FAM124B: variants seen among roughly 807,000 people sequenced by gnomAD.
FAM124B encodes the protein family with sequence similarity 124 member B.
Under a neutral mutation model 19.7 loss-of-function variants are expected in FAM124B, and 18 were observed. That is an observed-to-expected ratio of 0.92 (90% CI 0.63 to 1.36). The LOEUF is 1.36. Among genes scored for constraint, FAM124B ranks in the 40% most tolerant of loss-of-function variants. FAM124B has a pLI of 0.00. For synonymous variants in FAM124B, 223 were observed against 225.2 expected, an observed-to-expected ratio of 0.99 and a Z score of 0.09; for missense variants, 540 against 553.3, an observed-to-expected ratio of 0.98 and a Z score of 0.24.
At chr2:224,390,114 TACACACACACACAC>T (rs59825011) in intron 1 of FAM124B, among the ~76,000 whole-genome samples, 49 of 131,796 alleles carry the variant, frequency 3.7e-4, no homozygotes, top group South Asian at 1.3e-3. Flanking sequence ...GTCTTTGAAA[TACACACACACACAC>T]ACACACACAC....
chr2:224,399,312 T>C (rs1016491530), intron 1 of FAM124B, among the ~76,000 whole-genome samples: 1 of 152,194 alleles, frequency 6.6e-6, no homozygotes, highest in Non-Finnish European at 1.5e-5. Flanking sequence ...TTTAGATGCC[T>C]TGGAAATTAT....
At chr2:224,382,188 T>G (rs1238152782) in intron 1 of FAM124B, among the ~76,000 whole-genome samples, 1 of 152,204 alleles carries the variant, frequency 6.6e-6, no homozygotes, top group Non-Finnish European at 1.5e-5. Flanking sequence ...GGCCATATGG[T>G]CTTTATCCCA....
Position 224,379,939 on chromosome 2 carries a change from C to T in FAM124B, c.1002G>A (p.Leu334=). Residue 334 remains leucine (L), a synonymous_variant, in exon 2 of 2, where the codon CTG becomes CTA. Coordinates refer to ENST00000409685, the MANE Select transcript of FAM124B (RefSeq NM_001122779.2). ...SSPAMGAHLH[L]SSHHLESGAR... Reference sequence around the variant, plus strand: ...CCCCGGATTCAAGGTGATGAGAAGACAGGTGCAGGTGGGCACCCATAGCTG... The same window carrying T: ...CCCCGGATTCAAGGTGATGAGAAGATAGGTGCAGGTGGGCACCCATAGCTG... The T allele has an allele frequency of 2.6e-6, 4 of 1,551,804 alleles. No homozygotes were observed. The South Asian group carries it at 3.6e-5, about 14-fold the overall frequency.
chr2:224,395,250 CA>C (rs1283913949), intron 1 of FAM124B, among the ~76,000 whole-genome samples: 1 of 151,470 alleles, frequency 6.6e-6, no homozygotes, highest in Non-Finnish European at 1.5e-5. Flanking sequence ...AGCCATAATG[CA>C]AAAAATTGAA....
intron 1 of FAM124B, among the ~76,000 whole-genome samples, chr2:224,390,114 TACACACACACACACACAC>T (rs59825011): frequency 1.4e-4 from 18 of 131,702 alleles, no homozygotes; most frequent in South Asian, 2.6e-4. Context: ...GTCTTTGAAA[TACACACACACACACACAC>T]ACACACACAC....
At chr2:224,396,489 C>G (rs938883200) in intron 1 of FAM124B, among the ~76,000 whole-genome samples, 4 of 152,178 alleles carry the variant, frequency 2.6e-5, no homozygotes, top group African/African-American at 7.2e-5. Flanking sequence ...GAGGGATGGT[C>G]TGCAGAGAGG....
chr2:224,386,531 A>G (rs1455373175), intron 1 of FAM124B, among the ~76,000 whole-genome samples: 1 of 152,194 alleles, frequency 6.6e-6, no homozygotes, highest in Non-Finnish European at 1.5e-5. Flanking sequence ...AGATTAAATG[A>G]TAGTCGTGCC....
At chr2:224,388,933 C>CT (rs957176559) in intron 1 of FAM124B, among the ~76,000 whole-genome samples, 9 of 151,868 alleles carry the variant, frequency 5.9e-5, no homozygotes, top group East Asian at 3.9e-4. Flanking sequence ...AAGGGAGATT[C>CT]TTTTTTTTAT....
At chr2:224,389,492 C>T (rs540425275) in intron 1 of FAM124B, among the ~76,000 whole-genome samples, 175 of 152,244 alleles carry the variant, frequency 1.1e-3, no homozygotes, top group Non-Finnish European at 1.7e-3. Context: ...GCAGAAATGA[C>T]TCCCAAGGAA....
intron 1 of FAM124B, among the ~76,000 whole-genome samples, chr2:224,387,816 A>G (rs1252075207): frequency 6.6e-6 from 1 of 152,182 alleles, no homozygotes; most frequent in African/African-American, 2.4e-5. Flanking sequence ...CAGAAAGGAG[A>G]ACATGGAGCC....
At chr2:224,391,918 G>A (rs114754444) in intron 1 of FAM124B, among the ~76,000 whole-genome samples, 166 of 152,244 alleles carry the variant, frequency 1.1e-3, no homozygotes, top group African/African-American at 3.9e-3. Context: ...GGTAGATTAC[G>A]AAAAGCTATA....
chr2:224,398,968 C>G (rs1574577789), intron 1 of FAM124B, among the ~76,000 whole-genome samples: 1 of 152,212 alleles, frequency 6.6e-6, no homozygotes, highest in South Asian at 2.1e-4. Context: ...CAGAGAGAGA[C>G]TCTGTCTCAA....
intron 1 of FAM124B, among the ~76,000 whole-genome samples, chr2:224,388,377 G>C (rs935750563): frequency 6.6e-6 from 1 of 152,200 alleles, no homozygotes; most frequent in Non-Finnish European, 1.5e-5. Context: ...ACATACCGTG[G>C]AATAGTAATC....
rs1454281627 is a variant in FAM124B, at chr2:224,379,941, G to C, written c.1000C>G (p.Leu334Val). ...CCGGATTCAAGGTGATGAGAAGACA[G>C]GTGCAGGTGGGCACCCATAGCTGGG... is the stretch of plus-strand genomic sequence containing the variant. The part of the protein sequence containing the change: ...SSPAMGAHLH[L>V]SSHHLESGAR... Residue 334 changes from leucine (L) to valine (V), a missense_variant, in exon 2 of 2, where the codon CTG becomes GTG. Physicochemically the swap from Leu to Val is conservative, Grantham distance 32 (BLOSUM62 1). Coordinates refer to ENST00000409685, the MANE Select transcript of FAM124B (RefSeq NM_001122779.2). The C allele has an allele frequency of 6.4e-7, 1 of 1,551,836 alleles. No homozygotes were observed. Among genetic ancestry groups the C allele is most frequent in the Middle Eastern group, 1.7e-4 (1 of 5,992 alleles).
chr2:224,380,205 G>C lies in FAM124B; in HGVS notation c.736C>G (p.Gln246Glu). Residue 246 changes from glutamine to glutamate, a missense_variant, in exon 2 of 2, where the codon CAG (glutamine) becomes GAG (glutamate). Gln to Glu is a conservative substitution (Grantham distance 29). Coordinates refer to ENST00000409685, the MANE Select transcript of FAM124B (RefSeq NM_001122779.2). Reference protein sequence around the residue: ...YDGNKILLQVQLNPELGVKNG... With the variant: ...YDGNKILLQVELNPELGVKNG... ...TTAACACCAAGTTCTGGATTCAGCT[G>C]AACCTACAGGAAAGGAAAGGAGGAA... is the stretch of plus-strand genomic sequence containing the variant. 6.5e-7 allele frequency: 1 copy of C among 1,536,326 alleles called. No individual in the cohort carries two copies. Among genetic ancestry groups the C allele is most frequent in the Non-Finnish European group, 8.8e-7 (1 of 1,138,100 alleles).
chr2:224,384,053 T>C (rs1689764322), intron 1 of FAM124B, among the ~76,000 whole-genome samples: 3 of 152,174 alleles, frequency 2.0e-5, no homozygotes, highest in African/African-American at 7.2e-5. Flanking sequence ...CAGATCATAA[T>C]GAAATTGGTC....
intron 1 of FAM124B, among the ~76,000 whole-genome samples, chr2:224,398,624 A>T (rs1397520587): frequency 6.6e-6 from 1 of 152,140 alleles, no homozygotes; most frequent in Admixed American, 6.6e-5. Context: ...TGGAGTGAGG[A>T]AGCAGAAGTC....
In FAM124B at chr2:224,401,870, A is replaced by T; in HGVS notation, c.-102T>A. 1 of 1,396,034 alleles carries T rather than the reference A, an allele frequency of 7.2e-7. No individual in the cohort carries two copies. The highest frequency in any genetic ancestry group is 1.4e-5 in the African/African-American group (1 of 69,386). The allele number at this position is 1,396,034 out of a possible 1,614,324, so 86.5% of individuals were successfully genotyped here. ...GCGGCCCAGCCTTCAGCCCGCCTGA[A>T]AACCTTCAGCTGCAGCGGCTACTTC... On this transcript the variant is annotated 5_prime_UTR_variant, in exon 1 of 2. Coordinates refer to ENST00000409685, the MANE Select transcript of FAM124B (RefSeq NM_001122779.2).
At chr2:224,387,654 A>T (rs1482048228) in intron 1 of FAM124B, among the ~76,000 whole-genome samples, 4 of 152,106 alleles carry the variant, frequency 2.6e-5, no homozygotes, top group Non-Finnish European at 5.9e-5. Flanking sequence ...TGCCTCTTTC[A>T]CAGCAACATA....
Sources: gnomAD v4.1 joint callset for allele counts (sites outside exome capture counted in the v4.1 genomes callset) on GRCh38, gnomAD v4.1.1 for gene constraint, MANE v1.5 for transcripts, NCBI Gene and HGNC (gene_info 2026-07-23, HGNC 2026-07-21) for gene names.